Variants in ZHX2 observed in about 807,000 individuals in gnomAD.
ZHX2 encodes zinc fingers and homeoboxes protein 2.
ZHX2 carries 6 observed loss-of-function variants against 21.9 expected under a neutral mutation model. That is an observed-to-expected ratio of 0.27 (90% CI 0.15 to 0.54). The LOEUF is 0.54. Ranked by LOEUF, ZHX2 falls within the 20% of genes least tolerant of loss-of-function variation. ZHX2 has a pLI of 0.95. For synonymous variants in ZHX2, 434 were observed against 437.1 expected (o/e 0.99, Z 0.09); for missense variants, 908 against 1,090.7 (o/e 0.83, Z 2.36).
intron 1 of ZHX2, among the ~76,000 whole-genome samples, chr8:122,838,422 A>G (rs1389304813): frequency 2.0e-5 from 3 of 152,184 alleles, no homozygotes; most frequent in African/African-American, 7.2e-5. Flanking sequence ...TGTCAGTCCC[A>G]GCGTGTTTAT....
intron 1 of ZHX2, among the ~76,000 whole-genome samples, chr8:122,827,366 AT>A (rs1236906953): frequency 6.6e-6 from 1 of 152,006 alleles, no homozygotes. Context: ...ACTACCGAGG[AT>A]TGTTATTCAT....
chr8:122,931,842 T>C (rs1237832013), intron 2 of ZHX2, among the ~76,000 whole-genome samples: 1 of 151,912 alleles, frequency 6.6e-6, no homozygotes. Flanking sequence ...AGGAAATGAG[T>C]GGGGGCCCAA....
At chr8:122,924,389 T>C (rs887188370) in intron 2 of ZHX2, among the ~76,000 whole-genome samples, 1 of 152,222 alleles carries the variant, frequency 6.6e-6, no homozygotes, top group Non-Finnish European at 1.5e-5. Flanking sequence ...CATATTGTAT[T>C]TGGGCTCATG....
chr8:122,800,482 C>T (rs768098112), intron 1 of ZHX2, among the ~76,000 whole-genome samples: 2 of 152,160 alleles, frequency 1.3e-5, no homozygotes, highest in African/African-American at 2.4e-5. Context: ...GTGGAGCCCC[C>T]GAGCTGTAGC....
rs546885480 is a variant in ZHX2 at position 122,790,469 on chromosome 8, T to G, written c.-283+8523T>G. On this transcript the variant is annotated intron_variant, in intron 1 of 3. Transcript: ENST00000314393. ...AATACTCCTGCCTTCAGGAAGGTCATAGTCATTGGCACTTAGCTACAACAT... is the reference window on the plus strand; with the variant it reads ...AATACTCCTGCCTTCAGGAAGGTCAGAGTCATTGGCACTTAGCTACAACAT... Among the ~76,000 whole-genome samples the G allele has an allele frequency of 3.3e-5, 5 of 152,306 alleles. No individual in the cohort carries two copies. In the South Asian group the frequency reaches 1.0e-3, roughly 32 times the overall value.
chr8:122,956,050 G>A (rs886130278), intron 3 of ZHX2, among the ~76,000 whole-genome samples: 1 of 151,928 alleles, frequency 6.6e-6, no homozygotes, highest in East Asian at 1.9e-4. Context: ...TTGCCGTGTT[G>A]GCCAGGCTGA....
At chr8:122,852,891 C>T (rs17360588) in intron 1 of ZHX2, among the ~76,000 whole-genome samples, 4,681 of 152,174 alleles carry the variant, frequency 0.031, 118 homozygotes, top group Non-Finnish European at 0.045. Context: ...CCCTCATTCA[C>T]TCTGTGTGGG....
At chr8:122,804,361 G>A (rs567558583) in intron 1 of ZHX2, among the ~76,000 whole-genome samples, 16 of 152,144 alleles carry the variant, frequency 1.1e-4, no homozygotes, top group East Asian at 7.7e-4. Context: ...CACCCACCTC[G>A]GCATCCCAAA....
At chr8:122,843,396 A>G (rs972991960) in intron 1 of ZHX2, among the ~76,000 whole-genome samples, 2 of 152,166 alleles carry the variant, frequency 1.3e-5, no homozygotes, top group African/African-American at 4.8e-5. Flanking sequence ...GAGTGGCTCT[A>G]TTATGGGAAT....
intron 2 of ZHX2, among the ~76,000 whole-genome samples, chr8:122,946,624 G>A (rs955235757): frequency 2.0e-5 from 3 of 152,076 alleles, no homozygotes; most frequent in African/African-American, 7.2e-5. Flanking sequence ...GTAAAAAAAG[G>A]TATTTCCTCC....
intron 1 of ZHX2, among the ~76,000 whole-genome samples, chr8:122,785,621 G>A (rs1817379033): frequency 6.6e-6 from 1 of 152,260 alleles, no homozygotes; most frequent in African/African-American, 2.4e-5. Context: ...GGGAAGAGCA[G>A]TCAAGTATTT....
intron 1 of ZHX2, among the ~76,000 whole-genome samples, chr8:122,835,410 G>A (rs998967308): frequency 7.9e-5 from 12 of 152,178 alleles, no homozygotes; most frequent in Non-Finnish European, 1.5e-4. Flanking sequence ...GGATAGGGGC[G>A]TAAGGTGGTG....
intron 1 of ZHX2, among the ~76,000 whole-genome samples, chr8:122,830,604 A>G (rs533980343): frequency 6.8e-4 from 104 of 152,306 alleles, no homozygotes; most frequent in Non-Finnish European, 1.2e-3. Context: ...TAGCAGGAGC[A>G]TCGCCTGCAT....
intron 1 of ZHX2, among the ~76,000 whole-genome samples, chr8:122,858,426 A>G (rs1211187545): frequency 1.3e-5 from 2 of 152,202 alleles, no homozygotes; most frequent in African/African-American, 2.4e-5. Flanking sequence ...TGCCTGGCAC[A>G]GGCTTAAACT....
chr8:122,954,157 A>T, intron 3 of ZHX2, 129 bp downstream of exon 3: 1 of 813,658 alleles, frequency 1.2e-6, no homozygotes, highest in South Asian at 2.0e-5. Flanking sequence ...CTTGTAATTA[A>T]CAAATAAGAA....
rs772414837 is a variant in ZHX2, at chr8:122,951,828, C to T, written c.318C>T (p.Leu106=). 6.2e-7 allele frequency: 1 copy of T among 1,614,156 alleles called. No individual in the cohort carries two copies. Among genetic ancestry groups the T allele is most frequent in the Admixed American group, 1.7e-5 (1 of 60,028 alleles). The part of the protein sequence containing the change: ...HVDMQHPNVI[L]NPLYVCAECN... ...ACATGCAGCATCCCAACGTGATTCTCAACCCCCTCTACGTGTGTGCAGAAT... is the reference window on the plus strand; with the variant it reads ...ACATGCAGCATCCCAACGTGATTCTTAACCCCCTCTACGTGTGTGCAGAAT... Residue 106 remains leucine (L), a synonymous_variant, in exon 3 of 4, where the codon CTC becomes CTT. Coordinates refer to ENST00000314393, the MANE Select transcript of ZHX2 (RefSeq NM_014943.5).
At chr8:122,885,387 C>T (rs1259018817) in intron 2 of ZHX2, among the ~76,000 whole-genome samples, 1 of 152,240 alleles carries the variant, frequency 6.6e-6, no homozygotes, top group East Asian at 1.9e-4. Context: ...TCAAAGCAAA[C>T]TCATCCAGCA....
chr8:122,854,945 T>C (rs1404823549), intron 1 of ZHX2, among the ~76,000 whole-genome samples: 3 of 152,230 alleles, frequency 2.0e-5, no homozygotes, highest in African/African-American at 4.8e-5. Context: ...CATTTTCCGA[T>C]GTCTACCACT....
chr8:122,910,616 C>A (rs942404024), intron 2 of ZHX2, among the ~76,000 whole-genome samples: 1 of 152,106 alleles, frequency 6.6e-6, no homozygotes, highest in Non-Finnish European at 1.5e-5. Flanking sequence ...ATTTTTTATG[C>A]GTACTTTAAT....
Sources: allele counts gnomAD v4.1 joint callset (sites outside exome capture counted in the v4.1 genomes callset), GRCh38; gene constraint gnomAD v4.1.1; transcripts MANE v1.5; gene names NCBI Gene and HGNC (gene_info 2026-07-23, HGNC 2026-07-21).